ASPH: variants seen among roughly 807,000 people sequenced by gnomAD.
ASPH encodes the protein aspartate beta-hydroxylase.
Under a neutral mutation model 118.4 loss-of-function variants are expected in ASPH, and 100 were observed. The ratio of observed to expected loss-of-function variants is 0.84; its 90% CI spans 0.72 to 1.00. The LOEUF (loss-of-function observed/expected upper bound fraction) is 1.00. Among genes scored for constraint, ASPH ranks in the 50% least tolerant of loss-of-function variants. ASPH has a pLI of 0.00. For missense variants in ASPH, 920 were observed against 919.5 expected (o/e 1.00, Z -0.01); for synonymous variants, 315 against 325.6 (o/e 0.97, Z 0.35).
At chr8:61,622,220 C>T (rs149055384) in intron 13 of ASPH, among the ~76,000 whole-genome samples, 149 of 152,288 alleles carry the variant, frequency 9.8e-4, no homozygotes, top group African/African-American at 3.5e-3. Context: ...TGCCTGTAGT[C>T]CCAGCTACTC....
At chr8:61,701,635 C>T (rs1489994514) in intron 1 of ASPH, among the ~76,000 whole-genome samples, 1 of 152,168 alleles carries the variant, frequency 6.6e-6, no homozygotes, top group Non-Finnish European at 1.5e-5. Flanking sequence ...TACAACTAAA[C>T]AGATGGACCA....
At chr8:61,585,350 A>T (rs914362664) in intron 14 of ASPH, among the ~76,000 whole-genome samples, 2 of 152,174 alleles carry the variant, frequency 1.3e-5, no homozygotes, top group Non-Finnish European at 2.9e-5. Context: ...GTTCTGGAGA[A>T]GGGGAGTGGT....
At chr8:61,636,130 T>C (rs1330362654) in intron 12 of ASPH, among the ~76,000 whole-genome samples, 1 of 152,168 alleles carries the variant, frequency 6.6e-6, no homozygotes, top group Non-Finnish European at 1.5e-5. Flanking sequence ...CAGAAGGGTT[T>C]AAACACAGGG....
chr8:61,609,177 G>A lies in ASPH; in HGVS notation c.976+9801C>T, dbSNP rs899043118. Among the ~76,000 whole-genome samples the A allele has an allele frequency of 2.0e-5, 3 of 152,150 alleles. No homozygotes were observed. In the East Asian group the frequency reaches 5.8e-4, roughly 29 times the overall value. The stretch of plus-strand genomic sequence containing the variant: ...TCATCCTGGACCAGCTCCTAACGAC[G>A]TGGCAGGGCTAGCGACGGGGCTTTC... On this transcript the variant is annotated intron_variant, in intron 14 of 24. Transcript: ENST00000379454.
intron 22 of ASPH, among the ~76,000 whole-genome samples, chr8:61,525,156 G>C (rs891051935): frequency 3.3e-5 from 5 of 152,070 alleles, no homozygotes; most frequent in African/African-American, 1.2e-4. Flanking sequence ...GTGTAAATTA[G>C]ATGCATATTA....
At chr8:61,597,210 A>AC (rs1405073864) in intron 14 of ASPH, among the ~76,000 whole-genome samples, 5 of 151,018 alleles carry the variant, frequency 3.3e-5, no homozygotes, top group Admixed American at 2.6e-4. Flanking sequence ...AAAAAAAAAA[A>AC]AAAAACAATG....
At chr8:61,618,091 T>C (rs1849668253) in intron 14 of ASPH, among the ~76,000 whole-genome samples, 1 of 152,080 alleles carries the variant, frequency 6.6e-6, no homozygotes, top group Non-Finnish European at 1.5e-5. Flanking sequence ...TGACAAAAAT[T>C]AAAAACAACT....
At position 61,584,128 on chromosome 8, in the gene ASPH, C is replaced by CCTG. The variant is rs1481986757; in HGVS notation, c.977-100_977-99insCAG. 1.4e-4 allele frequency: 97 copies of CCTG among 700,734 alleles called. No individual in the cohort carries two copies. The African/African-American group carries it at 1.6e-3, about 11-fold the overall frequency. The allele number at this position is 700,734 out of a possible 1,614,324, so 43.4% of individuals were successfully genotyped here. A position where few individuals can be genotyped will look rare whatever the true frequency, so the allele number is the denominator to read the frequency against. ...GTAGTGGGAAACCTGATGCTGGTCTCCACCAAAGACCTGCAGGAGAAGGCA... is the reference window on the plus strand; with the variant it reads ...GTAGTGGGAAACCTGATGCTGGTCTCCTGCACCAAAGACCTGCAGGAGAAGGCA... On this transcript the variant is annotated intron_variant, in intron 14 of 24. Coordinates refer to ENST00000379454, the MANE Select transcript of ASPH (RefSeq NM_004318.4).
chr8:61,583,920 A>G, intron 15 of ASPH, 24 bp downstream of exon 15: 1 of 1,487,742 alleles, frequency 6.7e-7, no homozygotes, highest in Non-Finnish European at 9.2e-7. Context: ...CAACAAAACC[A>G]TTGCACAAAA....
At chr8:61,556,207 C>G (rs563668466) in intron 18 of ASPH, among the ~76,000 whole-genome samples, 185 bp from the exon 19 acceptor site, 235 of 152,324 alleles carry the variant, frequency 1.5e-3, no homozygotes, top group African/African-American at 5.5e-3. Flanking sequence ...TTAAATGGCT[C>G]CATTTCCTCT....
chr8:61,605,597 G>T (rs985125628), intron 14 of ASPH, among the ~76,000 whole-genome samples: 5 of 152,162 alleles, frequency 3.3e-5, no homozygotes, highest in African/African-American at 1.2e-4. Flanking sequence ...TTTCACACTA[G>T]TAAGAGGAAT....
chr8:61,665,518 C>G, intron 3 of ASPH: 1 of 1,569,018 alleles, frequency 6.4e-7, no homozygotes, highest in Non-Finnish European at 8.7e-7. Flanking sequence ...CCTCTTTCTT[C>G]CCCTTTTTTC....
chr8:61,694,437 C>G (rs1291994519), intron 1 of ASPH, among the ~76,000 whole-genome samples: 1 of 152,190 alleles, frequency 6.6e-6, no homozygotes, highest in Non-Finnish European at 1.5e-5. Context: ...AGGCTTCCAT[C>G]TGGTTTCTGC....
rs757450321 is a variant in ASPH, at chr8:61,638,349, G to C, written c.805C>G (p.Leu269Val). The change falls in exon 11 of 25, where the codon CTA (leucine) becomes GTA (valine). Residue 269 changes from leucine (L) to valine (V), a missense_variant. By Grantham distance (32) the Leu-to-Val change is conservative. Transcript: ENST00000379454. ...GTGATTTCTATCCCTTCATTTTCTAGAGGTTCATATACTGCTAAAAAAAAA... is the reference window on the plus strand; with the variant it reads ...GTGATTTCTATCCCTTCATTTTCTACAGGTTCATATACTGCTAAAAAAAAA... ...VYEEQAVYEPLENEGIEITEV... is the reference protein window; with the variant it reads ...VYEEQAVYEPVENEGIEITEV... 6.3e-7 allele frequency: 1 copy of C among 1,591,352 alleles called. No individual in the cohort carries two copies. Among genetic ancestry groups the C allele is most frequent in the Non-Finnish European group, 8.5e-7 (1 of 1,171,594 alleles).
intron 14 of ASPH, among the ~76,000 whole-genome samples, chr8:61,589,226 A>C (rs1840368443): frequency 6.6e-6 from 1 of 152,208 alleles, no homozygotes; most frequent in African/African-American, 2.4e-5. Flanking sequence ...TATAAAAGGT[A>C]AATTTTACTG....
chr8:61,607,061 C>T, intron 14 of ASPH: 1 of 473,312 alleles, frequency 2.1e-6, no homozygotes, highest in Non-Finnish European at 3.7e-6. Flanking sequence ...CCTTGGTGTT[C>T]CCACAGCATT....
At position 61,576,692 on chromosome 8, in the gene ASPH, A is replaced by G. The variant is rs1835263943; in HGVS notation, c.1149+80T>C. 4.8e-6 allele frequency: 6 copies of G among 1,248,954 alleles called. No homozygotes were observed. The South Asian group carries it at 8.9e-5, about 18-fold the overall frequency. The allele number at this position is 1,248,954 out of a possible 1,614,324, so 77.4% of individuals were successfully genotyped here. On this transcript the variant is annotated intron_variant, in intron 16 of 24. Transcript: ENST00000379454. Reference sequence around the variant, plus strand: ...TCTGTAGAGAAATTAGAAAGGGAAAATAGTGAGGAGTAAAAAATTCAATCA... The same window carrying G: ...TCTGTAGAGAAATTAGAAAGGGAAAGTAGTGAGGAGTAAAAAATTCAATCA...
chr8:61,555,804 CATCCTGAGG>C lies in ASPH; in HGVS notation c.1536+111_1536+119del, dbSNP rs1271921396. Reference sequence around the variant, plus strand: ...ATGAATGTCATGGTCTGAGGGTGGACATCCTGAGGATGAAAATACTCAGCAGTGCATGCA... The same window carrying C: ...ATGAATGTCATGGTCTGAGGGTGGACATGAAAATACTCAGCAGTGCATGCA... On this transcript the variant is annotated intron_variant, in intron 19 of 24. Transcript: ENST00000379454. 8.5e-6 allele frequency: 7 copies of C among 824,104 alleles called. No individual in the cohort carries two copies. In the Admixed American group the frequency reaches 1.7e-4, roughly 20 times the overall value. 51.0% of individuals were successfully genotyped at this position (824,104 alleles called of 1,614,324 possible). A position where few individuals can be genotyped will look rare whatever the true frequency, so the allele number is the denominator to read the frequency against.
At chr8:61,646,225 T>TATC (rs1359605390) in intron 6 of ASPH, among the ~76,000 whole-genome samples, 1 of 152,174 alleles carries the variant, frequency 6.6e-6, no homozygotes, top group Non-Finnish European at 1.5e-5. Context: ...ACTTAGGAAC[T>TATC]ATCAAAGGCT....
Sources: allele counts gnomAD v4.1 joint callset (sites outside exome capture counted in the v4.1 genomes callset), GRCh38; gene constraint gnomAD v4.1.1; transcripts MANE v1.5; gene names NCBI Gene and HGNC (gene_info 2026-07-23, HGNC 2026-07-21).